Variants in QKI observed in about 807,000 individuals in gnomAD.
QKI encodes KH domain-containing RNA-binding protein QKI.
QKI carries 10 observed loss-of-function variants against 39.0 expected under a neutral mutation model. The observed-to-expected ratio is 0.26, with a 90% confidence interval of 0.16 to 0.43. The LOEUF is 0.43. QKI is among the 20% of genes least tolerant of loss of function. QKI has a pLI of 1.00. For synonymous variants in QKI, 204 were observed against 155.4 expected, an observed-to-expected ratio of 1.31 and a Z score of -2.33; for missense variants, 218 against 428.0, an observed-to-expected ratio of 0.51 and a Z score of 4.33.
At chr6:163,511,259 T>G (rs1045554536) in intron 3 of QKI, among the ~76,000 whole-genome samples, 3 of 152,168 alleles carry the variant, frequency 2.0e-5, no homozygotes, top group Admixed American at 6.5e-5. Context: ...TTTATATATT[T>G]AATTATGTTG....
chr6:163,495,372 G>A (rs1778341196), intron 3 of QKI, among the ~76,000 whole-genome samples: 1 of 152,110 alleles, frequency 6.6e-6, no homozygotes, highest in African/African-American at 2.4e-5. Flanking sequence ...CACAAATAAT[G>A]AGAGTTGCGT....
At chr6:163,446,805 C>G (rs930295840) in intron 1 of QKI, among the ~76,000 whole-genome samples, 1 of 152,172 alleles carries the variant, frequency 6.6e-6, no homozygotes, top group Non-Finnish European at 1.5e-5. Flanking sequence ...CACCAAGTCC[C>G]CCGCTCTGTT....
At chr6:163,437,249 GGT>G in intron 1 of QKI, among the ~76,000 whole-genome samples, 1 of 152,064 alleles carries the variant, frequency 6.6e-6, no homozygotes, top group East Asian at 1.9e-4. Flanking sequence ...GCTAGAATAA[GGT>G]ATATACATAA....
intron 1 of QKI, among the ~76,000 whole-genome samples, chr6:163,434,311 AT>A (rs779377701): frequency 4.6e-5 from 7 of 152,212 alleles, no homozygotes; most frequent in Middle Eastern, 3.2e-3. Flanking sequence ...GTATAATCTG[AT>A]AATCCCTCTT....
At position 163,420,629 on chromosome 6, in the gene QKI, C is replaced by T. The variant is rs1787921376; in HGVS notation, c.142+5294C>T. 2.0e-5 allele frequency among the ~76,000 whole-genome samples: 3 copies of T among 152,238 alleles called. No homozygotes were observed. In the South Asian group the frequency reaches 6.2e-4, roughly 32 times the overall value. ...GTCCCTCCTGTGTTTGACATTAAGACAGCTTAATGTGAATTTTAAGTGCAA... is the reference window on the plus strand; with the variant it reads ...GTCCCTCCTGTGTTTGACATTAAGATAGCTTAATGTGAATTTTAAGTGCAA... On this transcript the variant is annotated intron_variant, in intron 1 of 7. Transcript: ENST00000361752.
chr6:163,563,294 AC>A (rs2128250615), intron 5 of QKI, 125 bp from the exon 6 acceptor site: 4 of 851,056 alleles, frequency 4.7e-6, no homozygotes, highest in South Asian at 1.8e-5. Flanking sequence ...CAGCGCATGT[AC>A]TAATGATTTC....
intron 3 of QKI, among the ~76,000 whole-genome samples, chr6:163,490,312 G>A (rs1471767897): frequency 6.6e-6 from 1 of 152,142 alleles, no homozygotes; most frequent in Non-Finnish European, 1.5e-5. Flanking sequence ...ACAATCTGCG[G>A]CAGCAGTTAT....
At chr6:163,463,105 A>C (rs1224051292) in intron 2 of QKI, among the ~76,000 whole-genome samples, 1 of 152,240 alleles carries the variant, frequency 6.6e-6, no homozygotes, top group Non-Finnish European at 1.5e-5. Flanking sequence ...CTAATTCTGA[A>C]AGTAAACTTG....
Position 163,455,615 on chromosome 6 carries a change from T to C in QKI, c.285+194T>C, listed in dbSNP as rs549911405. On this transcript the variant is annotated intron_variant, in intron 2 of 7. Coordinates refer to ENST00000361752, the MANE Select transcript of QKI (RefSeq NM_006775.3). Reference sequence around the variant, plus strand: ...ATGTTTGCATTTGATTGCTGCTATGTCACTTTGGAAATGCACATGGTATAG... The same window carrying C: ...ATGTTTGCATTTGATTGCTGCTATGCCACTTTGGAAATGCACATGGTATAG... Among the ~76,000 whole-genome samples, 16 of 152,328 alleles carry C rather than the reference T, an allele frequency of 1.1e-4. 1 individual carries two copies. In the South Asian group the frequency reaches 3.3e-3, roughly 32 times the overall value.
At chr6:163,550,234 G>A (rs555382922) in intron 4 of QKI, among the ~76,000 whole-genome samples, 3 of 152,254 alleles carry the variant, frequency 2.0e-5, no homozygotes, top group South Asian at 4.2e-4. Flanking sequence ...CTGGGGCAGC[G>A]CAGGCACTAC....
intron 4 of QKI, among the ~76,000 whole-genome samples, chr6:163,543,717 A>G (rs1781688866): frequency 6.6e-6 from 1 of 152,054 alleles, no homozygotes; most frequent in Admixed American, 6.6e-5. Flanking sequence ...TTAAATTCTT[A>G]ATGAGAATGA....
chr6:163,440,260 G>A (rs889077092), intron 1 of QKI, among the ~76,000 whole-genome samples: 3 of 152,170 alleles, frequency 2.0e-5, no homozygotes, highest in East Asian at 3.9e-4. Context: ...GTGCTGGAGA[G>A]GCCAAATGGT....
intron 4 of QKI, among the ~76,000 whole-genome samples, chr6:163,540,369 C>G (rs1363967991): frequency 6.6e-6 from 1 of 152,150 alleles, no homozygotes; most frequent in Non-Finnish European, 1.5e-5. Flanking sequence ...GTACTTCCTT[C>G]TCTTTGTGAT....
intron 1 of QKI, among the ~76,000 whole-genome samples, chr6:163,424,516 C>T (rs926829438): frequency 2.6e-5 from 4 of 152,200 alleles, no homozygotes; most frequent in African/African-American, 9.7e-5. Flanking sequence ...GAACCTCAAG[C>T]TTCTTCATCT....
chr6:163,559,084 TCTCCCTTGTTTGACA>T (rs1222501839), intron 4 of QKI, among the ~76,000 whole-genome samples: 1 of 152,226 alleles, frequency 6.6e-6, no homozygotes, highest in Admixed American at 6.5e-5. Flanking sequence ...TCTGTGGTTT[TCTCCCTTGTTTGACA>T]CTCCATTGCC....
chr6:163,475,167 A>G (rs1407360884), intron 2 of QKI, among the ~76,000 whole-genome samples: 1 of 152,154 alleles, frequency 6.6e-6, no homozygotes, highest in East Asian at 1.9e-4. Context: ...ATACAGTATG[A>G]TGTTAAAGTA....
rs1313644528 is a variant in QKI at position 163,552,538 on chromosome 6, C to T, written c.547-9444C>T. ...TAAAGTTCTTTATCCTAATCATCTT[C>T]ATACTGAGTAAGCGGAGGAGGAGGA... On this transcript the variant is annotated intron_variant, in intron 4 of 7. Transcript: ENST00000361752. Among the ~76,000 whole-genome samples, 6 of 152,034 alleles carry T rather than the reference C, an allele frequency of 3.9e-5. No homozygotes were observed. In the South Asian group the frequency reaches 1.0e-3, roughly 26 times the overall value.
At position 163,500,071 on chromosome 6, in the gene QKI, T is replaced by G. The variant is rs1778660853; in HGVS notation, c.402+21175T>G. On this transcript the variant is annotated intron_variant, in intron 3 of 7. Transcript: ENST00000361752. The stretch of plus-strand genomic sequence containing the variant: ...TTCTGGGTGAAGTTAGAGCAAAAGC[T>G]CTCAGTTGTGAATGTGATGGGACTG... 2.0e-5 allele frequency among the ~76,000 whole-genome samples: 3 copies of G among 152,176 alleles called. No individual in the cohort carries two copies. The South Asian group carries it at 6.2e-4, about 32-fold the overall frequency.
intron 4 of QKI, among the ~76,000 whole-genome samples, chr6:163,549,677 A>T (rs1338107072): frequency 6.6e-6 from 1 of 152,200 alleles, no homozygotes; most frequent in East Asian, 1.9e-4. Context: ...GTGCCACTGC[A>T]CTCCAGCCTG....
Sources: allele counts gnomAD v4.1 joint callset (sites outside exome capture counted in the v4.1 genomes callset), GRCh38; gene constraint gnomAD v4.1.1; transcripts MANE v1.5; gene names NCBI Gene and HGNC (gene_info 2026-07-23, HGNC 2026-07-21).